SNTG1: variants seen among roughly 807,000 people sequenced by gnomAD.
SNTG1 encodes gamma-1-syntrophin.
In SNTG1, 39 loss-of-function variants were observed where a neutral mutation model predicts 74.7. The observed-to-expected ratio is 0.52, with a 90% CI of 0.40 to 0.68. SNTG1 has a LOEUF of 0.68. Ranked by LOEUF, SNTG1 falls within the 30% of genes least tolerant of loss-of-function variation. SNTG1 has a pLI of 0.00. For synonymous variants in SNTG1, 254 were observed against 217.1 expected (o/e 1.17, Z -1.49); for missense variants, 685 against 609.5 (o/e 1.12, Z -1.30).
At chr8:50,013,307 A>C (rs1815991979) in intron 1 of SNTG1, among the ~76,000 whole-genome samples, 1 of 152,110 alleles carries the variant, frequency 6.6e-6, no homozygotes, top group South Asian at 2.1e-4. Flanking sequence ...CAACTGGCAA[A>C]ATAGCACCTC....
At chr8:50,515,672 A>G (rs762732710) in intron 9 of SNTG1, among the ~76,000 whole-genome samples, 9 of 152,148 alleles carry the variant, frequency 5.9e-5, no homozygotes, top group Non-Finnish European at 1.2e-4. Context: ...CTCACAGTGT[A>G]AACAAAGTTG....
intron 1 of SNTG1, among the ~76,000 whole-genome samples, chr8:50,147,983 T>C (rs2081930306): frequency 6.6e-6 from 1 of 152,140 alleles, no homozygotes; most frequent in Non-Finnish European, 1.5e-5. Context: ...AGTAGAATAC[T>C]GGCAAAAATA....
chr8:50,358,788 TC>T (rs1250875142), intron 2 of SNTG1, among the ~76,000 whole-genome samples: 1 of 152,218 alleles, frequency 6.6e-6, no homozygotes, highest in Non-Finnish European at 1.5e-5. Flanking sequence ...ATTACCACTT[TC>T]AATGCAGATA....
chr8:50,502,792 G>C lies in SNTG1; in HGVS notation c.378G>C (p.Arg126=), dbSNP rs775923506. 1.2e-6 allele frequency: 2 copies of C among 1,612,332 alleles called. No homozygotes were observed. The highest frequency in any genetic ancestry group is 2.7e-5 in the African/African-American group (2 of 74,852). ...CRHEEVVQVL[R]NAGEEVTLTV... is the part of the protein sequence containing the mutation. ...CTTTTTTTCAGGTTCAGGTTCTTCG[G>C]AATGCTGGAGAAGAAGTGACTCTAA... Residue 126 remains arginine (R), a synonymous_variant, in exon 9 of 19, where the codon CGG becomes CGC. Transcript: ENST00000642720.
At chr8:49,928,580 A>G (rs982993790) in intron 1 of SNTG1, among the ~76,000 whole-genome samples, 1 of 152,006 alleles carries the variant, frequency 6.6e-6, no homozygotes, top group Admixed American at 6.6e-5. Context: ...TGTGCAACAA[A>G]TGTTGATAGT....
At chr8:50,522,644 T>G (rs995434297) in intron 9 of SNTG1, among the ~76,000 whole-genome samples, 2 of 150,790 alleles carry the variant, frequency 1.3e-5, no homozygotes, top group Non-Finnish European at 3.0e-5. Flanking sequence ...AGAGGTGTGA[T>G]CTACACTAAT....
intron 15 of SNTG1, among the ~76,000 whole-genome samples, chr8:50,662,793 C>T (rs144626554): frequency 6.6e-6 from 1 of 151,424 alleles, no homozygotes; most frequent in African/African-American, 2.5e-5. Context: ...CTATGAACTT[C>T]AGTTCTTCAT....
chr8:50,208,531 C>A (rs1334310643), intron 2 of SNTG1, among the ~76,000 whole-genome samples: 1 of 152,102 alleles, frequency 6.6e-6, no homozygotes, highest in Non-Finnish European at 1.5e-5. Flanking sequence ...CATTCTGTGT[C>A]TTTTAATTGG....
chr8:50,537,291 AT>A (rs762025322), intron 11 of SNTG1, among the ~76,000 whole-genome samples: 7 of 151,710 alleles, frequency 4.6e-5, no homozygotes, highest in Non-Finnish European at 8.8e-5. Flanking sequence ...TGCCCAGCTA[AT>A]TTTTTGTTTT....
intron 1 of SNTG1, among the ~76,000 whole-genome samples, chr8:49,926,094 T>G (rs1398091174): frequency 6.6e-6 from 1 of 152,182 alleles, no homozygotes; most frequent in East Asian, 1.9e-4. Context: ...GGTTGCCTTT[T>G]CTCTATTAGT....
chr8:50,417,505 A>G (rs73581323), intron 4 of SNTG1, among the ~76,000 whole-genome samples: 4,458 of 152,156 alleles, frequency 0.029, 227 homozygotes, highest in African/African-American at 0.1. Context: ...TTTCTTCTAA[A>G]TCTCCTCTAA....
chr8:50,505,944 T>C (rs2094002757), intron 9 of SNTG1, among the ~76,000 whole-genome samples: 1 of 152,030 alleles, frequency 6.6e-6, no homozygotes, highest in Non-Finnish European at 1.5e-5. Flanking sequence ...GTCATAAAGA[T>C]TTTTCTCTAA....
Position 50,794,181 on chromosome 8 carries a change from T to A in SNTG1, c.*1352T>A, listed in dbSNP as rs2131881730. ...CCAGGTAAACCAAGTATTATGTGTG[T>A]CCTTGTGGAGATAACCAAGTATCTA... On this transcript the variant is annotated 3_prime_UTR_variant, in exon 19 of 19. Transcript: ENST00000642720. The A allele has an allele frequency of 6.6e-6, 1 of 152,016 alleles. No homozygotes were observed. Among genetic ancestry groups the A allele is most frequent in the African/African-American group, 2.4e-5 (1 of 41,528 alleles). The allele number at this position is 152,016 out of a possible 1,614,324, so 9.4% of individuals were successfully genotyped here.
intron 15 of SNTG1, among the ~76,000 whole-genome samples, chr8:50,659,489 A>G (rs2095205589): frequency 6.6e-6 from 1 of 152,182 alleles, no homozygotes; most frequent in South Asian, 2.1e-4. Context: ...AAAATGCTGA[A>G]ACATTTAAAA....
At chr8:50,056,958 CTG>C (rs1820077619) in intron 1 of SNTG1, among the ~76,000 whole-genome samples, 1 of 152,156 alleles carries the variant, frequency 6.6e-6, no homozygotes, top group Admixed American at 6.6e-5. Flanking sequence ...GTCATCTACC[CTG>C]TGTTTTGAGA....
intron 2 of SNTG1, among the ~76,000 whole-genome samples, chr8:50,254,528 A>G (rs2129959232): frequency 6.6e-6 from 1 of 152,258 alleles, no homozygotes; most frequent in Non-Finnish European, 1.5e-5. Flanking sequence ...GACAAGACTA[A>G]AAGATACTGA....
chr8:50,220,104 A>G (rs2084988127), intron 2 of SNTG1, among the ~76,000 whole-genome samples: 2 of 152,150 alleles, frequency 1.3e-5, no homozygotes, highest in South Asian at 4.1e-4. Context: ...TCTCAGGTGT[A>G]TGACAAAAAG....
At chr8:50,484,256 C>T (rs1300979431) in intron 8 of SNTG1, among the ~76,000 whole-genome samples, 2 of 147,558 alleles carry the variant, frequency 1.4e-5, no homozygotes, top group African/African-American at 2.5e-5. Flanking sequence ...ACTCTTGTTG[C>T]CCAGGCTGGA....
At chr8:50,607,513 A>G (rs2094821337) in intron 13 of SNTG1, among the ~76,000 whole-genome samples, 1 of 151,624 alleles carries the variant, frequency 6.6e-6, no homozygotes, top group African/African-American at 2.4e-5. Flanking sequence ...TATTTGTAAT[A>G]TTCTCTTATA....
Sources: allele counts gnomAD v4.1 joint callset (sites outside exome capture counted in the v4.1 genomes callset), GRCh38; gene constraint gnomAD v4.1.1; transcripts MANE v1.5; gene names NCBI Gene and HGNC (gene_info 2026-07-23, HGNC 2026-07-21).